SLC45A4: variants seen among roughly 807,000 people sequenced by gnomAD.
SLC45A4 encodes the protein polyamine-transporter SLC45A4.
A neutral mutation model predicts 63.7 loss-of-function variants in SLC45A4; 32 were observed. The ratio of observed to expected loss-of-function variants is 0.50; its 90% confidence interval spans 0.38 to 0.67. SLC45A4 has a LOEUF of 0.67. Among genes scored for constraint, SLC45A4 ranks in the 30% least tolerant of loss-of-function variants. SLC45A4 has a pLI of 0.00. For synonymous variants in SLC45A4, 535 were observed against 510.0 expected (o/e 1.05, Z -0.66); for missense variants, 1,027 against 1,157.7 (o/e 0.89, Z 1.64).
chr8:141,293,657 G>C (rs1257896710), intron 1 of SLC45A4, among the ~76,000 whole-genome samples: 1 of 152,168 alleles, frequency 6.6e-6, no homozygotes, highest in East Asian at 1.9e-4. Context: ...AACAGACCGG[G>C]AGCAGTGGCT....
At chr8:141,289,312 A>T (rs1830267067) in intron 1 of SLC45A4, among the ~76,000 whole-genome samples, 1 of 152,210 alleles carries the variant, frequency 6.6e-6, no homozygotes, top group East Asian at 1.9e-4. Flanking sequence ...GAAAGACATT[A>T]AATCCTACAC....
chr8:141,303,104 C>G (rs917839025), intron 1 of SLC45A4, among the ~76,000 whole-genome samples: 1 of 150,448 alleles, frequency 6.6e-6, no homozygotes, highest in Non-Finnish European at 1.5e-5. Context: ...CTCCAGCAAT[C>G]CTCCCGCCTC....
chr8:141,303,468 G>A (rs577967011), intron 1 of SLC45A4, among the ~76,000 whole-genome samples: 1 of 152,154 alleles, frequency 6.6e-6, no homozygotes, highest in South Asian at 2.1e-4. Context: ...TGTGCAATAA[G>A]GGTCATATAT....
intron 1 of SLC45A4, among the ~76,000 whole-genome samples, chr8:141,293,226 A>G (rs1481783305): frequency 6.6e-6 from 1 of 152,128 alleles, no homozygotes; most frequent in African/African-American, 2.4e-5. Context: ...AGGCTGAGGC[A>G]GGTGGATCAT....
chr8:141,291,393 A>T (rs1163302644), intron 1 of SLC45A4, among the ~76,000 whole-genome samples: 6 of 151,840 alleles, frequency 4.0e-5, no homozygotes, highest in East Asian at 1.9e-4. Flanking sequence ...TCTTCTCATA[A>T]TTTTTTTTTA....
At chr8:141,281,681 C>A (rs753574791) in intron 1 of SLC45A4, among the ~76,000 whole-genome samples, 1 of 152,220 alleles carries the variant, frequency 6.6e-6, no homozygotes, top group African/African-American at 2.4e-5. Context: ...ACAAAAAACA[C>A]AGGACCATCT....
At chr8:141,243,230 A>G in intron 2 of SLC45A4, among the ~76,000 whole-genome samples, 1 of 152,086 alleles carries the variant, frequency 6.6e-6, no homozygotes, top group East Asian at 1.9e-4. Context: ...CAGGTCCTCC[A>G]ATGTCGGAGG....
Position 141,229,121 on chromosome 8 carries a change from G to A in SLC45A4, c.242-7356C>T, listed in dbSNP as rs1184504620. 6.6e-6 allele frequency among the ~76,000 whole-genome samples: 1 copy of A among 152,086 alleles called. No individual in the cohort carries two copies. On this transcript the variant is annotated intron_variant, in intron 2 of 8. Coordinates refer to ENST00000517878, the MANE Select transcript of SLC45A4 (RefSeq NM_001286646.2). The surrounding 1 kb of genome is among the most constrained non-coding windows in gnomAD (Gnocchi z 5.0). The stretch of plus-strand genomic sequence containing the variant: ...CCCCCTTACCTGACATTCAATAACT[G>A]CTTAGTGCCCTTAAAAGAGCTGCAC...
At position 141,212,199 on chromosome 8, in the gene SLC45A4, C is replaced by T. The variant is rs766686155; in HGVS notation, c.2299G>A (p.Val767Met). The stretch of plus-strand genomic sequence containing the variant: ...GTAAACGGGAGTGCGGCTCAGACCA[C>T]GGACTCTGTCTCCACCGGTCCCTGC... ...GLQGPVETESVTPAGIDVCQI... is the reference protein window; with the variant it reads ...GLQGPVETESMTPAGIDVCQI... The change falls in exon 8 of 9, where the codon GTG becomes ATG. Residue 767 changes from valine to methionine, a missense_variant and splice_region_variant. Physicochemically the swap from Val to Met is conservative, Grantham distance 21. Coordinates refer to ENST00000517878, the MANE Select transcript of SLC45A4 (RefSeq NM_001286646.2). The T allele has an allele frequency of 1.1e-5, 16 of 1,411,282 alleles. No homozygotes were observed. The highest frequency in any genetic ancestry group is 6.8e-5 in the South Asian group (5 of 73,580). 87.4% of individuals were successfully genotyped at this position (1,411,282 alleles called of 1,614,324 possible).
intron 2 of SLC45A4, among the ~76,000 whole-genome samples, chr8:141,231,430 C>T (rs925322665): frequency 2.6e-5 from 4 of 152,236 alleles, no homozygotes; most frequent in Non-Finnish European, 5.9e-5. Flanking sequence ...CCAGCTAAGT[C>T]CCCGAGGTCA....
At chr8:141,280,513 A>T (rs375697589) in intron 1 of SLC45A4, among the ~76,000 whole-genome samples, 1 of 152,096 alleles carries the variant, frequency 6.6e-6, no homozygotes, top group Non-Finnish European at 1.5e-5. Flanking sequence ...CAGCTCTGAG[A>T]GCAGTGGGTC....
At chr8:141,306,148 G>C (rs891201520) in intron 1 of SLC45A4, among the ~76,000 whole-genome samples, 3 of 152,088 alleles carry the variant, frequency 2.0e-5, no homozygotes, top group Admixed American at 6.5e-5. Context: ...CACGCATCTC[G>C]GCAGGGCAGC....
At chr8:141,298,545 G>A (rs1277327427) in intron 1 of SLC45A4, among the ~76,000 whole-genome samples, 1 of 152,190 alleles carries the variant, frequency 6.6e-6, no homozygotes, top group African/African-American at 2.4e-5. Flanking sequence ...GGCACCAAAG[G>A]CTCAACCCAG....
intron 2 of SLC45A4, among the ~76,000 whole-genome samples, chr8:141,242,055 C>T (rs764183703): frequency 1.3e-5 from 2 of 152,220 alleles, no homozygotes; most frequent in African/African-American, 2.4e-5. Context: ...GGAGCCTATC[C>T]TCAAGCTCCC....
intron 1 of SLC45A4, among the ~76,000 whole-genome samples, chr8:141,282,714 C>A (rs1004307541): frequency 1.3e-5 from 2 of 152,256 alleles, no homozygotes; most frequent in Non-Finnish European, 2.9e-5. Flanking sequence ...CCATCTTTCC[C>A]GGGGCTGGCA....
At position 141,254,990 on chromosome 8, in the gene SLC45A4, G is replaced by A. The variant is rs866261718; in HGVS notation, c.-400-361C>T. Among the ~76,000 whole-genome samples, 2 of 152,160 alleles carry A rather than the reference G, an allele frequency of 1.3e-5. No individual in the cohort carries two copies. The highest frequency in any genetic ancestry group is 4.8e-5 in the African/African-American group (2 of 41,434). ...TTCCAGCAGGCTGGAGGCAGCTGGC[G>A]ACACCCTTTGTGGCTGCAGATATCA... On this transcript the variant is annotated intron_variant, in intron 1 of 8. Coordinates refer to ENST00000517878, the MANE Select transcript of SLC45A4 (RefSeq NM_001286646.2). This position sits in a 1 kb window ranked among gnomAD's most constrained non-coding sequence, Gnocchi z 4.5.
In SLC45A4 at chr8:141,219,723, G is replaced by A. The variant is rs750116107; in HGVS notation, c.537C>T (p.Ile179=). Residue 179 remains isoleucine, a synonymous_variant, in exon 4 of 9, where the codon ATC becomes ATT. Coordinates refer to ENST00000517878, the MANE Select transcript of SLC45A4 (RefSeq NM_001286646.2). ...DFSADATEGP[I]RAYLLDVVDS... ...CCACCACGTCCAGCAGATAGGCACG[G>A]ATGGGCCCCTCGGTGGCATCGGCGC... 3.1e-6 allele frequency: 5 copies of A among 1,610,312 alleles called. No homozygotes were observed. In the South Asian group the frequency reaches 5.5e-5, roughly 18 times the overall value.
chr8:141,289,663 A>C (rs1422230740), intron 1 of SLC45A4, among the ~76,000 whole-genome samples: 2 of 152,128 alleles, frequency 1.3e-5, no homozygotes, highest in East Asian at 3.9e-4. Context: ...TAGTAAGAGA[A>C]GCTAAGAGGT....
At chr8:141,298,580 A>G (rs1415340925) in intron 1 of SLC45A4, among the ~76,000 whole-genome samples, 2 of 152,214 alleles carry the variant, frequency 1.3e-5, no homozygotes, top group Non-Finnish European at 2.9e-5. Context: ...AACCCGAAAG[A>G]AACAAGGAAA....
Sources: gnomAD v4.1 joint callset for allele counts (sites outside exome capture counted in the v4.1 genomes callset) on GRCh38, gnomAD v4.1.1 for gene constraint, Gnocchi (gnomAD v3.1) non-coding constraint, MANE v1.5 for transcripts, NCBI Gene and HGNC (gene_info 2026-07-23, HGNC 2026-07-21) for gene names.